Variants in ATP11A observed in about 807,000 individuals in gnomAD.
The protein encoded by ATP11A is phospholipid-transporting ATPase IH.
ATP11A carries 81 observed loss-of-function variants against 154.4 expected under a neutral mutation model. The ratio of observed to expected loss-of-function variants is 0.52; its 90% CI spans 0.44 to 0.63. ATP11A has a LOEUF of 0.63. ATP11A is among the 30% of genes least tolerant of loss of function. The pLI, the probability that ATP11A is intolerant of heterozygous loss-of-function variation, is 0.00. For missense variants in ATP11A, 1,316 were observed against 1,474.3 expected (o/e 0.89, Z 1.76); for synonymous variants, 623 against 585.9 (o/e 1.06, Z -0.91).
At chr13:112,752,788 C>T (rs1218999733) in intron 1 of ATP11A, among the ~76,000 whole-genome samples, 1 of 152,204 alleles carries the variant, frequency 6.6e-6, no homozygotes, top group East Asian at 1.9e-4. Flanking sequence ...CCTTGCTGGC[C>T]ATCCTACAAT....
chr13:112,840,280 C>T (rs1185218881), intron 16 of ATP11A, among the ~76,000 whole-genome samples: 1 of 105,890 alleles, frequency 9.4e-6, no homozygotes, highest in African/African-American at 3.8e-5. Context: ...CAGCCTCAGC[C>T]TCCCCACTCT....
Position 112,690,293 on chromosome 13 carries a change from G to T in ATP11A, c.-124G>T. 1.6e-6 allele frequency: 1 copy of T among 645,152 alleles called. No individual in the cohort carries two copies. The highest frequency in any genetic ancestry group is 2.0e-6 in the Non-Finnish European group (1 of 500,246). The allele number at this position is 645,152 out of a possible 1,614,324, so 40.0% of individuals were successfully genotyped here. A position where few individuals can be genotyped will look rare whatever the true frequency, so the allele number is the denominator to read the frequency against. Reference sequence around the variant, plus strand: ...AGGGGCCGCGGCCGCCCCCTGCACCGCCCGGCGCGCCGAGGCCGTGACCGG... The same window carrying T: ...AGGGGCCGCGGCCGCCCCCTGCACCTCCCGGCGCGCCGAGGCCGTGACCGG... On this transcript the variant is annotated 5_prime_UTR_variant, in exon 1 of 30. Transcript: ENST00000375645. The surrounding 1 kb of genome is among the most constrained non-coding windows in gnomAD (Gnocchi z 5.6).
At chr13:112,796,352 C>T (rs1471087012) in intron 2 of ATP11A, among the ~76,000 whole-genome samples, 1 of 152,132 alleles carries the variant, frequency 6.6e-6, no homozygotes, top group Non-Finnish European at 1.5e-5. Flanking sequence ...ATCAAGATTG[C>T]CAAACAGCTG....
At chr13:112,740,840 C>T (rs1451392378) in intron 1 of ATP11A, among the ~76,000 whole-genome samples, 1 of 152,228 alleles carries the variant, frequency 6.6e-6, no homozygotes, top group African/African-American at 2.4e-5. Flanking sequence ...GCAGAAGGCG[C>T]TCGCCATCAG....
chr13:112,721,888 C>T (rs892394), intron 1 of ATP11A, among the ~76,000 whole-genome samples: 80,345 of 152,092 alleles, frequency 0.53, 21,577 homozygotes, highest in Non-Finnish European at 0.57. Context: ...TTCACCAGGC[C>T]GTCAGCACCG....
At position 112,832,940 on chromosome 13, in the gene ATP11A, C is replaced by T; in HGVS notation, c.1476C>T (p.Pro492=). 1 of 1,614,036 alleles carries T rather than the reference C, an allele frequency of 6.2e-7. No homozygotes were observed. Among genetic ancestry groups the T allele is most frequent in the Non-Finnish European group, 8.5e-7 (1 of 1,179,966 alleles). The change falls in exon 14 of 30, where the codon CCC becomes CCT. Residue 492 remains proline (P), a synonymous_variant. Transcript: ENST00000375645. ...AAGACGATGACAGCGTAGACGGCCCCAGGAAATCGCCGGACGGGGGGAAAT... is the reference window on the plus strand; with the variant it reads ...AAGACGATGACAGCGTAGACGGCCCTAGGAAATCGCCGGACGGGGGGAAAT... ...QVKDDDSVDG[P]RKSPDGGKSC...
intron 7 of ATP11A, 52 bp downstream of exon 7, chr13:112,819,459 T>G (rs1180099727): frequency 3.9e-6 from 6 of 1,527,806 alleles, no homozygotes; most frequent in African/African-American, 2.7e-5. Context: ...CCCTCAACAT[T>G]GCTCTTGCTT....
At chr13:112,767,582 C>T (rs936367380) in intron 1 of ATP11A, among the ~76,000 whole-genome samples, 3 of 151,968 alleles carry the variant, frequency 2.0e-5, no homozygotes, top group African/African-American at 7.3e-5. Context: ...ATTTGCCTAA[C>T]CACAGAATAT....
intron 2 of ATP11A, among the ~76,000 whole-genome samples, chr13:112,787,825 CGGTGTCCT>C: frequency 6.8e-6 from 1 of 146,728 alleles, no homozygotes; most frequent in African/African-American, 2.6e-5. Flanking sequence ...TAATTCACAC[CGGTGTCCT>C]AATTCACACC....
At chr13:112,789,371 G>A (rs1423450940) in intron 2 of ATP11A, among the ~76,000 whole-genome samples, 2 of 149,480 alleles carry the variant, frequency 1.3e-5, no homozygotes, top group African/African-American at 5.0e-5. Flanking sequence ...GACCCCTGTG[G>A]AGACCTACTT....
At chr13:112,836,109 CCA>C in intron 15 of ATP11A, 67 bp from the exon 16 acceptor site, 12 of 1,200,670 alleles carry the variant, frequency 1.0e-5, no homozygotes, top group Non-Finnish European at 1.5e-5. Context: ...GTGGAGAGCT[CCA>C]CAGTTACCAG....
intron 2 of ATP11A, among the ~76,000 whole-genome samples, chr13:112,787,989 T>G: frequency 6.7e-6 from 1 of 149,784 alleles, no homozygotes; most frequent in Non-Finnish European, 1.5e-5. Context: ...TCACACCGGA[T>G]GTCCTGATGT....
chr13:112,714,291 G>A (rs574657508), intron 1 of ATP11A, among the ~76,000 whole-genome samples: 1 of 152,042 alleles, frequency 6.6e-6, no homozygotes. Flanking sequence ...TCCCGCTGCC[G>A]CTCCAGCTGT....
chr13:112,845,719 C>T lies in ATP11A; in HGVS notation c.1809+3340C>T, dbSNP rs61961575. Among the ~76,000 whole-genome samples, 1,025 of 122,350 alleles carry T rather than the reference C, an allele frequency of 8.4e-3. 283 individuals are homozygous for T. Among genetic ancestry groups the T allele is most frequent in the African/African-American group, 0.036 (923 of 25,990 alleles). The allele number at this position is 122,350 out of a possible 152,430, so 80.3% of individuals were successfully genotyped here. A position where few individuals can be genotyped will look rare whatever the true frequency, so the allele number is the denominator to read the frequency against. On this transcript the variant is annotated intron_variant, in intron 17 of 29. Transcript: ENST00000375645. ...CAGTTGCTGGCACTAGCGGTACTAA[C>T]CAGTCCAGTTACCAGGCACTAGCGG...
At chr13:112,817,385 T>A (rs2078674822) in intron 6 of ATP11A, among the ~76,000 whole-genome samples, 6 of 152,222 alleles carry the variant, frequency 3.9e-5, no homozygotes, top group Admixed American at 3.9e-4. Flanking sequence ...ATGGATCTTT[T>A]TCAGTTAAAT....
At chr13:112,869,402 AG>A (rs2080440422) in intron 25 of ATP11A, among the ~76,000 whole-genome samples, 2 of 152,288 alleles carry the variant, frequency 1.3e-5, no homozygotes, top group Non-Finnish European at 2.9e-5. Context: ...CCCTAAACCC[AG>A]GGAGCCCCAG....
chr13:112,756,231 T>G (rs1035148659), intron 1 of ATP11A, among the ~76,000 whole-genome samples: 1 of 152,248 alleles, frequency 6.6e-6, no homozygotes, highest in Non-Finnish European at 1.5e-5. Context: ...CAGGTTAGAT[T>G]CCAGGCAGGG....
intron 1 of ATP11A, among the ~76,000 whole-genome samples, chr13:112,730,126 G>C (rs9324320): frequency 6.6e-6 from 1 of 152,150 alleles, no homozygotes; most frequent in African/African-American, 2.4e-5. Flanking sequence ...CCTTCGCAGC[G>C]GCCCACATAG....
chr13:112,770,027 A>C (rs778572611), intron 1 of ATP11A, among the ~76,000 whole-genome samples: 4 of 152,138 alleles, frequency 2.6e-5, no homozygotes, highest in Non-Finnish European at 5.9e-5. Context: ...GTCTGTTCCA[A>C]CTGCACCCCC....
Sources: allele counts gnomAD v4.1 joint callset (sites outside exome capture counted in the v4.1 genomes callset), GRCh38; gene constraint gnomAD v4.1.1; non-coding constraint Gnocchi (gnomAD v3.1); transcripts MANE v1.5; gene names NCBI Gene and HGNC (gene_info 2026-07-23, HGNC 2026-07-21).